Variants in ANKRD26 observed in about 807,000 individuals in gnomAD.
ANKRD26 encodes the protein ankyrin repeat domain-containing protein 26.
ANKRD26 carries 141 observed loss-of-function variants against 208.7 expected under a neutral mutation model. The observed-to-expected ratio is 0.68, with a 90% confidence interval of 0.59 to 0.78. The LOEUF is 0.78. Among genes scored for constraint, ANKRD26 ranks in the 30% least tolerant of loss-of-function variants. ANKRD26 has a pLI of 0.00. For synonymous variants in ANKRD26, 636 were observed against 660.4 expected, an observed-to-expected ratio of 0.96 and a Z score of 0.57; for missense variants, 1,889 against 1,938.7, an observed-to-expected ratio of 0.97 and a Z score of 0.48.
chr10:27,053,301 T>C lies in ANKRD26; in HGVS notation c.1635+19A>G, dbSNP rs1434469401. The stretch of plus-strand genomic sequence containing the variant: ...AAGAAAACAATATTAAACCAGAAAT[T>C]TTTAAAAATATATAATACCTGTGGC... On this transcript the variant is annotated intron_variant, in intron 16 of 33. Coordinates refer to ENST00000376087, the MANE Select transcript of ANKRD26 (RefSeq NM_014915.3). The C allele has an allele frequency of 7.6e-6, 12 of 1,572,930 alleles. No individual in the cohort carries two copies. Among genetic ancestry groups the C allele is most frequent in the African/African-American group, 1.4e-5 (1 of 73,972 alleles).
intron 15 of ANKRD26, among the ~76,000 whole-genome samples, chr10:27,057,128 A>G (rs1423635083): frequency 2.0e-5 from 3 of 152,186 alleles, no homozygotes; most frequent in Admixed American, 1.3e-4. Context: ...CTGAAAATAA[A>G]GTTTTCACTT....
At chr10:26,993,550 G>A (rs746414142) in intron 5 of ANKRD26, among the ~76,000 whole-genome samples, 2 of 152,284 alleles carry the variant, frequency 1.3e-5, no homozygotes, top group Admixed American at 1.3e-4. Context: ...GCAGTTACTT[G>A]GGGTGTGGTT....
chr10:27,037,756 G>T, intron 22 of ANKRD26, 115 bp downstream of exon 22: 1 of 857,758 alleles, frequency 1.2e-6, no homozygotes, highest in Non-Finnish European at 1.8e-6. Context: ...TCACAGGTCA[G>T]CTTGAGATAA....
chr10:26,979,731 A>C (rs2052279598), intron 5 of ANKRD26, among the ~76,000 whole-genome samples: 1 of 152,150 alleles, frequency 6.6e-6, no homozygotes, highest in Admixed American at 6.5e-5. Context: ...GAGCACCCCT[A>C]GTCTTCCTGA....
intron 3 of ANKRD26, among the ~76,000 whole-genome samples, chr10:26,984,054 TGGCAAGAA>T (rs200565434): frequency 0.019 from 2,942 of 152,184 alleles, 81 homozygotes; most frequent in African/African-American, 0.066. Context: ...CAGACGGCAG[TGGCAAGAA>T]GGCAAGAAGG....
chr10:27,035,864 T>C, intron 23 of ANKRD26, 112 bp from the exon 24 acceptor site: 5 of 809,350 alleles, frequency 6.2e-6, no homozygotes, highest in Non-Finnish European at 9.7e-6. Context: ...TTGCAATAAG[T>C]GTATATCCAA....
intron 9 of ANKRD26, 99 bp from the exon 10 acceptor site, chr10:27,067,385 A>G: frequency 1.5e-6 from 2 of 1,359,756 alleles, no homozygotes; most frequent in South Asian, 1.3e-5. Flanking sequence ...TTGCACTACC[A>G]TAAAGAAATA....
chr10:27,091,358 T>G (rs547933274), intron 4 of ANKRD26, among the ~76,000 whole-genome samples: 68 of 152,336 alleles, frequency 4.5e-4, no homozygotes, highest in Non-Finnish European at 6.8e-4. Context: ...CTCTTTTCTC[T>G]TTATCACCCA....
At chr10:26,959,700 G>A in the ANKRD26 span, among the ~76,000 whole-genome samples, 1 of 147,976 alleles carries the variant, frequency 6.8e-6, no homozygotes, top group African/African-American at 2.5e-5. Context: ...GGCTAGTCTC[G>A]AACTCCTGAC....
At chr10:26,975,402 C>CTTTTTTT (rs60226106) in exon 6 of ANKRD26, among the ~76,000 whole-genome samples, 2,645 of 90,192 alleles carry the variant, frequency 0.029, 291 homozygotes, top group East Asian at 0.12. Flanking sequence ...CTAATTTTTG[C>CTTTTTTT]TTTTTTTTTT....
Position 27,017,799 on chromosome 10 carries a change from G to A in ANKRD26, c.4216-7C>T. ...CTGCTGTAAGATCATCAATCTGAAT[G>A]AAGACAATAATATAGTGTAATAATG... On this transcript the variant is annotated splice_polypyrimidine_tract_variant and splice_region_variant and intron_variant, in intron 29 of 33. Transcript: ENST00000376087. The A allele has an allele frequency of 6.2e-7, 1 of 1,610,660 alleles. No homozygotes were observed. Among genetic ancestry groups the A allele is most frequent in the Non-Finnish European group, 8.5e-7 (1 of 1,179,346 alleles).
At chr10:27,022,395 C>T (rs1291471910) in intron 29 of ANKRD26, among the ~76,000 whole-genome samples, 163 bp downstream of exon 29, 1 of 152,040 alleles carries the variant, frequency 6.6e-6, no homozygotes. Flanking sequence ...AACAAACCTG[C>T]CCATGTACCT....
At chr10:27,040,914 C>T (rs1429484581) in intron 20 of ANKRD26, among the ~76,000 whole-genome samples, 1 of 151,740 alleles carries the variant, frequency 6.6e-6, no homozygotes, top group Non-Finnish European at 1.5e-5. Flanking sequence ...CCTGTAATCA[C>T]AGCTACTTGG....
chr10:27,061,314 A>G (rs2055047142), intron 12 of ANKRD26, 72 bp from the exon 13 acceptor site: 3 of 942,968 alleles, frequency 3.2e-6, no homozygotes, highest in Non-Finnish European at 4.9e-6. Flanking sequence ...ATTGCCACAG[A>G]ATTAGATATT....
exon 6 of ANKRD26, among the ~76,000 whole-genome samples, chr10:26,976,019 A>G (rs2052222040): frequency 6.6e-6 from 1 of 151,786 alleles, no homozygotes; most frequent in African/African-American, 2.4e-5. Flanking sequence ...TTTTTTTTCC[A>G]TGTTTGATTA....
At chr10:26,949,994 A>G in the ANKRD26 span, among the ~76,000 whole-genome samples, 6 of 152,122 alleles carry the variant, frequency 3.9e-5, no homozygotes, top group Non-Finnish European at 1.5e-5. Flanking sequence ...GTGGTATTTC[A>G]GCATTCTGCA....
the ANKRD26 span, among the ~76,000 whole-genome samples, chr10:26,960,112 G>T: frequency 6.6e-6 from 1 of 151,630 alleles, no homozygotes; most frequent in Non-Finnish European, 1.5e-5. Context: ...CAGCACCATT[G>T]CACTCTAGCC....
chr10:27,025,165 T>TTTTG (rs57478852), intron 27 of ANKRD26, among the ~76,000 whole-genome samples: 118,631 of 150,402 alleles, frequency 0.79, 47,038 homozygotes, highest in East Asian at 0.99. Flanking sequence ...GGACTCTCTT[T>TTTTG]TTTGTTTGTT....
chr10:26,988,912 C>T (rs1011048243), downstream of ANKRD26, among the ~76,000 whole-genome samples: 3 of 150,158 alleles, frequency 2.0e-5, no homozygotes, highest in Admixed American at 6.7e-5. Flanking sequence ...TTCTCCTGTT[C>T]GTTTTTATCT....
Sources: allele counts gnomAD v4.1 joint callset (sites outside exome capture counted in the v4.1 genomes callset), GRCh38; gene constraint gnomAD v4.1.1; transcripts MANE v1.5; gene names NCBI Gene and HGNC (gene_info 2026-07-23, HGNC 2026-07-21).